PTPRE: variants seen among roughly 807,000 people sequenced by gnomAD.
PTPRE encodes the protein protein tyrosine phosphatase receptor type E.
PTPRE carries 51 observed loss-of-function variants against 102.0 expected under a neutral mutation model. The observed-to-expected ratio is 0.50, with a 90% confidence interval of 0.40 to 0.63. PTPRE has a LOEUF of 0.63. Among genes scored for constraint, PTPRE ranks in the 30% least tolerant of loss-of-function variants. The probability of loss-of-function intolerance (pLI) is 0.00; values close to 1 mark genes in which losing one functional copy is unlikely to be tolerated. For missense variants in PTPRE, 752 were observed against 915.1 expected (o/e 0.82, Z 2.30); for synonymous variants, 345 against 348.2 (o/e 0.99, Z 0.10).
At chr10:127,965,960 G>A (rs1048982486) in intron 1 of PTPRE, among the ~76,000 whole-genome samples, 1 of 152,252 alleles carries the variant, frequency 6.6e-6, no homozygotes, top group African/African-American at 2.4e-5. Context: ...TCCGCTGGGG[G>A]CCATGAATGC....
chr10:127,960,531 T>C (rs1438801425), intron 1 of PTPRE, among the ~76,000 whole-genome samples: 1 of 152,150 alleles, frequency 6.6e-6, no homozygotes, highest in Admixed American at 6.5e-5. Context: ...CCGAGTCCGG[T>C]CTGACCGTTC....
chr10:127,908,241 G>A (rs1845627854), intron 1 of PTPRE, among the ~76,000 whole-genome samples: 1 of 152,146 alleles, frequency 6.6e-6, no homozygotes, highest in Admixed American at 6.5e-5. Flanking sequence ...GTGAATGAGC[G>A]TATAGGTGAG....
intron 1 of PTPRE, among the ~76,000 whole-genome samples, chr10:127,955,628 A>T (rs1849348038): frequency 6.6e-6 from 1 of 152,238 alleles, no homozygotes; most frequent in Non-Finnish European, 1.5e-5. Flanking sequence ...TATTTAAGTC[A>T]TGAGATATAA....
chr10:127,995,408 T>C (rs73378147), intron 2 of PTPRE, among the ~76,000 whole-genome samples: 2,763 of 152,222 alleles, frequency 0.018, 43 homozygotes, highest in Middle Eastern at 0.058. Flanking sequence ...TGGAGATGGT[T>C]ATGTGCTTTG....
chr10:128,049,893 C>A (rs1217741952), intron 6 of PTPRE, among the ~76,000 whole-genome samples: 1 of 152,148 alleles, frequency 6.6e-6, no homozygotes, highest in Non-Finnish European at 1.5e-5. Flanking sequence ...GTTTGTGAAG[C>A]CTCCTTACAC....
intron 1 of PTPRE, among the ~76,000 whole-genome samples, chr10:127,941,978 G>T (rs966333523): frequency 2.6e-5 from 4 of 152,116 alleles, no homozygotes; most frequent in Non-Finnish European, 2.9e-5. Flanking sequence ...AAGGGAAAAG[G>T]CAAAGAAAAC....
intron 20 of PTPRE, 127 bp downstream of exon 20, chr10:128,079,822 A>G: frequency 1.6e-6 from 2 of 1,251,882 alleles, no homozygotes; most frequent in African/African-American, 1.5e-5. Flanking sequence ...CAAGGAAAAG[A>G]GCCAGCTGCA....
Position 128,070,190 on chromosome 10 carries a change from T to A in PTPRE, c.1144-111T>A, listed in dbSNP as rs1022662154. ...GACTCTTGCCTCACACCTCCTTGTG[T>A]TGGCAAAAAGAGAAAAAGAAGAAAG... On this transcript the variant is annotated intron_variant, in intron 13 of 20. Coordinates refer to ENST00000254667, the MANE Select transcript of PTPRE (RefSeq NM_006504.6). The surrounding 1 kb of genome is among the most constrained non-coding windows in gnomAD (Gnocchi z 4.8). 7.0e-5 allele frequency: 92 copies of A among 1,314,260 alleles called. No homozygotes were observed. The highest frequency in any genetic ancestry group is 1.2e-4 in the Admixed American group (5 of 40,534). 81.4% of individuals were successfully genotyped at this position (1,314,260 alleles called of 1,614,324 possible). A position where few individuals can be genotyped will look rare whatever the true frequency, so the allele number is the denominator to read the frequency against.
At chr10:127,935,575 G>T (rs1388483610) in intron 1 of PTPRE, among the ~76,000 whole-genome samples, 1 of 152,060 alleles carries the variant, frequency 6.6e-6, no homozygotes, top group Non-Finnish European at 1.5e-5. Context: ...TTCCCGCGGG[G>T]ACCCTTTCAT....
intron 2 of PTPRE, among the ~76,000 whole-genome samples, chr10:127,994,371 G>A (rs1187912001): frequency 6.6e-6 from 1 of 152,126 alleles, no homozygotes; most frequent in Admixed American, 6.5e-5. Flanking sequence ...GTTACTTTCT[G>A]TACCCCCGTT....
At chr10:127,926,651 C>G (rs1393220520) in intron 1 of PTPRE, among the ~76,000 whole-genome samples, 1 of 151,918 alleles carries the variant, frequency 6.6e-6, no homozygotes, top group African/African-American at 2.4e-5. Context: ...GCGACGGGCT[C>G]TGTGTGTCCG....
intron 2 of PTPRE, among the ~76,000 whole-genome samples, chr10:128,035,282 T>TAC (rs78184561): frequency 0.38 from 57,144 of 151,318 alleles, 10,978 homozygotes; most frequent in East Asian, 0.54. Context: ...TGTATATATA[T>TAC]ACACACACAC....
intron 1 of PTPRE, among the ~76,000 whole-genome samples, chr10:127,917,317 G>T (rs943434997): frequency 1.3e-5 from 2 of 152,026 alleles, no homozygotes; most frequent in Non-Finnish European, 2.9e-5. Flanking sequence ...AGCGAAGAGA[G>T]TTTTTCAGCA....
At chr10:127,968,932 T>C (rs747363347) in intron 1 of PTPRE, among the ~76,000 whole-genome samples, 15 of 152,240 alleles carry the variant, frequency 9.9e-5, no homozygotes, top group Non-Finnish European at 2.1e-4. Flanking sequence ...TGTTCTAGTC[T>C]GATTCAAAGA....
intron 8 of PTPRE, among the ~76,000 whole-genome samples, chr10:128,061,471 G>A (rs1849585660): frequency 6.6e-6 from 1 of 152,152 alleles, no homozygotes; most frequent in South Asian, 2.1e-4. Context: ...GGAAAGGTTT[G>A]GCAGAAAAAC....
In PTPRE at chr10:128,084,129, T is replaced by C. The variant is rs564696715; in HGVS notation, c.*1223T>C. On this transcript the variant is annotated 3_prime_UTR_variant, in exon 21 of 21. Transcript: ENST00000254667. ...GTAATGATCCCATTACCAGATAAGA[T>C]TGACTGACGGGGAAAAAAAAAAAAA... 1 of 130,320 alleles carries C rather than the reference T, an allele frequency of 7.7e-6. No individual in the cohort carries two copies. Among genetic ancestry groups the C allele is most frequent in the East Asian group, 2.2e-4 (1 of 4,494 alleles). The allele number at this position is 130,320 out of a possible 1,614,324, so 8.1% of individuals were successfully genotyped here. A position where few individuals can be genotyped will look rare whatever the true frequency, so the allele number is the denominator to read the frequency against.
At chr10:127,962,571 C>T (rs7101035) in intron 1 of PTPRE, among the ~76,000 whole-genome samples, 14,193 of 152,158 alleles carry the variant, frequency 0.093, 747 homozygotes, top group South Asian at 0.14. Context: ...CGGGGTCAGG[C>T]CTCCCGCTCA....
At chr10:127,961,447 C>T (rs1849805239) in intron 1 of PTPRE, among the ~76,000 whole-genome samples, 1 of 152,060 alleles carries the variant, frequency 6.6e-6, no homozygotes, top group African/African-American at 2.4e-5. Context: ...CGGTAAAGAC[C>T]CACAGTGGCC....
chr10:128,066,975 C>T (rs991183565), intron 11 of PTPRE, among the ~76,000 whole-genome samples: 3 of 134,136 alleles, frequency 2.2e-5, no homozygotes, highest in Admixed American at 1.4e-4. Flanking sequence ...TACACATGCA[C>T]ACACACCCAC....
Sources: allele counts gnomAD v4.1 joint callset (sites outside exome capture counted in the v4.1 genomes callset), GRCh38; gene constraint gnomAD v4.1.1; non-coding constraint Gnocchi (gnomAD v3.1); transcripts MANE v1.5; gene names NCBI Gene and HGNC (gene_info 2026-07-23, HGNC 2026-07-21).